Variants in NRXN1 observed in about 807,000 individuals in gnomAD.
NRXN1 encodes the protein neurexin-1.
A neutral mutation model predicts 150.9 loss-of-function variants in NRXN1; 39 were observed. The observed-to-expected ratio is 0.26, with a 90% CI of 0.20 to 0.34. The LOEUF is 0.34. NRXN1 is among the 10% of genes least tolerant of loss of function. The probability of loss-of-function intolerance (pLI) is 1.00; values close to 1 mark genes in which losing one functional copy is unlikely to be tolerated. For missense variants in NRXN1, 1,815 were observed against 1,949.9 expected (o/e 0.93, Z 1.30); for synonymous variants, 924 against 757.0 (o/e 1.22, Z -3.62).
chr2:50,388,550 T>A lies in NRXN1; in HGVS notation c.3364+76892A>T, dbSNP rs115876034. ...TTCCTGTATCCTGACAGTCAAAACA[T>A]CTTCCGGAAATGCTTCTCAGCAGGA... On this transcript the variant is annotated intron_variant, in intron 17 of 22. Transcript: ENST00000401669. Among the ~76,000 whole-genome samples the A allele has an allele frequency of 7.3e-3, 1,104 of 152,240 alleles. 20 individuals carry two copies. Among genetic ancestry groups the A allele is most frequent in the African/African-American group, 0.025 (1,047 of 41,560 alleles).
At chr2:50,631,400 C>T (rs560365544) in intron 5 of NRXN1, 1 of 226,442 alleles carries the variant, frequency 4.4e-6, no homozygotes, top group East Asian at 1.7e-4. Context: ...TAGACTTAGA[C>T]ATTATTTAGT....
chr2:49,995,840 T>C (rs1478914751), intron 21 of NRXN1, among the ~76,000 whole-genome samples: 1 of 83,010 alleles, frequency 1.2e-5, no homozygotes, highest in Non-Finnish European at 2.4e-5. Flanking sequence ...ACTTCAAGTA[T>C]GAAAGCACCA....
chr2:50,854,758 T>G (rs998781295), intron 5 of NRXN1, among the ~76,000 whole-genome samples: 7 of 152,022 alleles, frequency 4.6e-5, no homozygotes, highest in African/African-American at 1.7e-4. Context: ...TTTCTTTCAC[T>G]TGGGATACTG....
intron 5 of NRXN1, among the ~76,000 whole-genome samples, chr2:50,652,680 GAC>G (rs1685820036): frequency 1.3e-5 from 2 of 152,024 alleles, no homozygotes; most frequent in Admixed American, 1.3e-4. Flanking sequence ...TTTTTGTATA[GAC>G]ACATGTTTTC....
intron 21 of NRXN1, among the ~76,000 whole-genome samples, chr2:49,988,835 G>A (rs1041654025): frequency 2.0e-5 from 3 of 152,104 alleles, no homozygotes; most frequent in African/African-American, 7.2e-5. Context: ...GCAGAGTTAA[G>A]AAATCTAAAT....
At position 50,537,430 on chromosome 2, in the gene NRXN1, T is replaced by C. The variant is rs1338472085; in HGVS notation, c.2143+823A>G. Among the ~76,000 whole-genome samples the C allele has an allele frequency of 2.0e-5, 3 of 152,234 alleles. No homozygotes were observed. The East Asian group carries it at 5.8e-4, about 29-fold the overall frequency. On this transcript the variant is annotated intron_variant, in intron 10 of 22. Coordinates refer to ENST00000401669, the MANE Select transcript of NRXN1 (RefSeq NM_001330078.2). The stretch of plus-strand genomic sequence containing the variant: ...GAAGAATAAACTTAGAACTATTTGT[T>C]CTGCTATTTATTCCTTTAGCCTGTT...
intron 21 of NRXN1, among the ~76,000 whole-genome samples, chr2:50,014,608 T>G (rs1388822908): frequency 6.6e-6 from 1 of 152,184 alleles, no homozygotes; most frequent in Non-Finnish European, 1.5e-5. Flanking sequence ...ACCACTGATT[T>G]GTTCTTAACA....
At chr2:50,409,744 T>C (rs543184013) in intron 17 of NRXN1, among the ~76,000 whole-genome samples, 2 of 152,348 alleles carry the variant, frequency 1.3e-5, no homozygotes, top group South Asian at 2.1e-4. Context: ...AATAGTTACA[T>C]GTATAAGAAT....
intron 5 of NRXN1, among the ~76,000 whole-genome samples, chr2:50,832,891 T>A (rs993547029): frequency 1.1e-4 from 16 of 152,166 alleles, no homozygotes; most frequent in Non-Finnish European, 1.5e-4. Flanking sequence ...AAGGATAGAC[T>A]GAGAGGAAAA....
chr2:50,292,141 T>C (rs1453668857), intron 17 of NRXN1, among the ~76,000 whole-genome samples: 1 of 152,182 alleles, frequency 6.6e-6, no homozygotes, highest in Non-Finnish European at 1.5e-5. Context: ...CTTTTTGCAT[T>C]GCTATTAGTA....
chr2:50,793,559 T>G (rs1039874549), intron 5 of NRXN1, among the ~76,000 whole-genome samples: 1 of 152,118 alleles, frequency 6.6e-6, no homozygotes, highest in Non-Finnish European at 1.5e-5. Flanking sequence ...TTTATTATCA[T>G]GGGAATTAAC....
chr2:49,991,768 G>T (rs2152521254), intron 21 of NRXN1, among the ~76,000 whole-genome samples: 2 of 152,270 alleles, frequency 1.3e-5, no homozygotes, highest in African/African-American at 2.4e-5. Flanking sequence ...AGAGGCAAAA[G>T]AACTGGAATG....
At chr2:50,227,306 A>G (rs1165940855) in intron 18 of NRXN1, among the ~76,000 whole-genome samples, 1 of 151,986 alleles carries the variant, frequency 6.6e-6, no homozygotes, top group Non-Finnish European at 1.5e-5. Context: ...TTCATATGCT[A>G]TTAAATACAC....
intron 21 of NRXN1, among the ~76,000 whole-genome samples, chr2:49,963,236 T>A (rs922804207): frequency 4.6e-5 from 7 of 152,130 alleles, no homozygotes; most frequent in Admixed American, 3.9e-4. Flanking sequence ...CTGACTTCCA[T>A]GTGGTCGAAA....
At chr2:50,452,824 G>A (rs1038333160) in intron 17 of NRXN1, among the ~76,000 whole-genome samples, 3 of 152,028 alleles carry the variant, frequency 2.0e-5, no homozygotes, top group Admixed American at 2.0e-4. Flanking sequence ...TAAATTATCA[G>A]GCTATTATTT....
chr2:50,307,988 A>T (rs1217439), intron 17 of NRXN1, among the ~76,000 whole-genome samples: 82,446 of 152,018 alleles, frequency 0.54, 22,636 homozygotes, highest in Middle Eastern at 0.59. Flanking sequence ...TTTAATGTGT[A>T]CAACATGATG....
chr2:50,379,271 T>A (rs1202368759), intron 17 of NRXN1, among the ~76,000 whole-genome samples: 1 of 152,114 alleles, frequency 6.6e-6, no homozygotes, highest in African/African-American at 2.4e-5. Context: ...CAAAGCCCTA[T>A]CAGTCAGTAT....
At chr2:50,348,831 G>T (rs1472916769) in intron 17 of NRXN1, among the ~76,000 whole-genome samples, 1 of 148,596 alleles carries the variant, frequency 6.7e-6, no homozygotes, top group Non-Finnish European at 1.5e-5. Context: ...ATGTCCAGTG[G>T]CTGGACTTTT....
At chr2:50,490,501 G>A in intron 15 of NRXN1, among the ~76,000 whole-genome samples, 1 of 152,006 alleles carries the variant, frequency 6.6e-6, no homozygotes, top group Admixed American at 6.5e-5. Context: ...TTATAGCCTA[G>A]ACCCAGGTCC....
Sources: gnomAD v4.1 joint callset for allele counts (sites outside exome capture counted in the v4.1 genomes callset) on GRCh38, gnomAD v4.1.1 for gene constraint, MANE v1.5 for transcripts, NCBI Gene and HGNC (gene_info 2026-07-23, HGNC 2026-07-21) for gene names.